The following ST6GALNAC3 variants were observed in gnomAD, a reference collection of about 807,000 sequenced individuals.
The protein encoded by ST6GALNAC3 is ST6 N-acetylgalactosaminide alpha-2,6-sialyltransferase 3.
In ST6GALNAC3, 25 loss-of-function variants were observed where a neutral mutation model predicts 32.7. The ratio of observed to expected loss-of-function variants is 0.76; its 90% CI spans 0.56 to 1.07. ST6GALNAC3 has a LOEUF of 1.07. ST6GALNAC3 is among the 50% of genes least tolerant of loss of function. ST6GALNAC3 has a pLI of 0.00. For synonymous variants in ST6GALNAC3, 129 were observed against 133.1 expected (o/e 0.97, Z 0.21); for missense variants, 355 against 382.4 (o/e 0.93, Z 0.60).
chr1:76,140,617 T>A (rs1032766319), intron 1 of ST6GALNAC3, among the ~76,000 whole-genome samples: 1 of 125,302 alleles, frequency 8.0e-6, no homozygotes, highest in Non-Finnish European at 1.6e-5. Context: ...TCTTTCTTTC[T>A]TTTCTTTCTT....
At position 76,607,326 on chromosome 1, in the gene ST6GALNAC3, G is replaced by A. The variant is rs150893675; in HGVS notation, c.624-20126G>A. ...AGAGGTTTTATGGTGGTTCCATTAT[G>A]TAGGTAGAATTTATTAAATTAATGG... On this transcript the variant is annotated intron_variant, in intron 3 of 4. Coordinates refer to ENST00000328299, the MANE Select transcript of ST6GALNAC3 (RefSeq NM_152996.4). 1.9e-3 allele frequency among the ~76,000 whole-genome samples: 288 copies of A among 152,276 alleles called. 1 individual carries two copies. Among genetic ancestry groups the A allele is most frequent in the African/African-American group, 6.5e-3 (270 of 41,560 alleles).
chr1:76,118,373 A>G (rs1209721012), intron 1 of ST6GALNAC3, among the ~76,000 whole-genome samples: 1 of 152,208 alleles, frequency 6.6e-6, no homozygotes, highest in Non-Finnish European at 1.5e-5. Flanking sequence ...AAATGTACCT[A>G]TCCATATCTT....
intron 3 of ST6GALNAC3, among the ~76,000 whole-genome samples, chr1:76,535,229 C>T (rs315079): frequency 0.18 from 27,654 of 151,958 alleles, 4,097 homozygotes; most frequent in African/African-American, 0.41. Context: ...TCCTGGCACA[C>T]AATAAGTCCT....
intron 3 of ST6GALNAC3, among the ~76,000 whole-genome samples, chr1:76,499,795 A>G (rs1661072997): frequency 1.3e-5 from 2 of 152,214 alleles, no homozygotes; most frequent in African/African-American, 2.4e-5. Flanking sequence ...AGATGGAGGA[A>G]TCTATTCCAT....
chr1:76,212,574 T>G (rs1655230915), intron 1 of ST6GALNAC3, among the ~76,000 whole-genome samples: 1 of 152,160 alleles, frequency 6.6e-6, no homozygotes, highest in Admixed American at 6.5e-5. Flanking sequence ...GCACCTGACC[T>G]GTGTATCTTA....
chr1:76,237,821 A>G (rs907120240), intron 1 of ST6GALNAC3, among the ~76,000 whole-genome samples: 6 of 152,342 alleles, frequency 3.9e-5, no homozygotes, highest in Admixed American at 2.0e-4. Flanking sequence ...CAAAAAATGA[A>G]TATCTTCTCG....
chr1:76,415,362 TAAGAGTA>T (rs2101330442), intron 3 of ST6GALNAC3, among the ~76,000 whole-genome samples: 1 of 152,004 alleles, frequency 6.6e-6, no homozygotes, highest in East Asian at 1.9e-4. Flanking sequence ...TATATTTTAT[TAAGAGTA>T]ATTTACCCTC....
intron 2 of ST6GALNAC3, among the ~76,000 whole-genome samples, chr1:76,383,796 C>T (rs576069348): frequency 3.0e-4 from 46 of 152,224 alleles, no homozygotes; most frequent in Middle Eastern, 6.8e-3. Flanking sequence ...TGTTGTAAGG[C>T]TCTTGCAATG....
chr1:76,393,721 T>C (rs1227753764), intron 2 of ST6GALNAC3, among the ~76,000 whole-genome samples: 2 of 152,188 alleles, frequency 1.3e-5, no homozygotes, highest in African/African-American at 4.8e-5. Flanking sequence ...TATTTCTCCC[T>C]ATAAAATGTG....
intron 1 of ST6GALNAC3, among the ~76,000 whole-genome samples, chr1:76,109,720 C>T (rs1024726608): frequency 7.9e-5 from 12 of 152,174 alleles, no homozygotes; most frequent in African/African-American, 1.9e-4. Context: ...CACAAGAGCT[C>T]GGGCTTACAG....
chr1:76,140,602 C>T (rs901267551), intron 1 of ST6GALNAC3, among the ~76,000 whole-genome samples: 3 of 148,760 alleles, frequency 2.0e-5, no homozygotes, highest in African/African-American at 7.4e-5. Context: ...AAGACTGGGG[C>T]TCTTTCTTTC....
Position 76,449,981 on chromosome 1 carries a change from G to T in ST6GALNAC3, c.623+37564G>T, listed in dbSNP as rs550597150. On this transcript the variant is annotated intron_variant, in intron 3 of 4. Coordinates refer to ENST00000328299, the MANE Select transcript of ST6GALNAC3 (RefSeq NM_152996.4). ...CTCTCACCTCCAATTATTGATTGATGGGCATTTGGGCAGGTTCCATATTTT... is the reference window on the plus strand; with the variant it reads ...CTCTCACCTCCAATTATTGATTGATTGGCATTTGGGCAGGTTCCATATTTT... 7.2e-5 allele frequency among the ~76,000 whole-genome samples: 11 copies of T among 152,250 alleles called. No homozygotes were observed. In the East Asian group the frequency reaches 2.1e-3, roughly 29 times the overall value.
At chr1:76,181,613 A>G (rs954620771) in intron 1 of ST6GALNAC3, among the ~76,000 whole-genome samples, 11 of 152,204 alleles carry the variant, frequency 7.2e-5, no homozygotes, top group Admixed American at 1.3e-4. Flanking sequence ...TAAGAAGGTA[A>G]TATTCACGTT....
At chr1:76,536,329 G>A (rs917396573) in intron 3 of ST6GALNAC3, among the ~76,000 whole-genome samples, 7 of 152,124 alleles carry the variant, frequency 4.6e-5, no homozygotes, top group African/African-American at 1.4e-4. Flanking sequence ...AATTTATAAA[G>A]GAAAGAGATT....
chr1:76,307,038 C>A (rs1661102519), intron 1 of ST6GALNAC3, among the ~76,000 whole-genome samples: 3 of 151,952 alleles, frequency 2.0e-5, no homozygotes, highest in Admixed American at 2.0e-4. Flanking sequence ...AGAAAGAAAG[C>A]AAGGATTTTC....
At chr1:76,436,172 G>A (rs943255279) in intron 3 of ST6GALNAC3, among the ~76,000 whole-genome samples, 1 of 152,072 alleles carries the variant, frequency 6.6e-6, no homozygotes, top group African/African-American at 2.4e-5. Context: ...TGCAAAAAGT[G>A]TAAATTTTGT....
chr1:76,169,830 A>G (rs1251306893), intron 1 of ST6GALNAC3, among the ~76,000 whole-genome samples: 2 of 152,096 alleles, frequency 1.3e-5, no homozygotes, highest in South Asian at 2.1e-4. Context: ...TAAAATATAT[A>G]TATATACTGG....
rs534004777 is a variant in ST6GALNAC3 at position 76,150,761 on chromosome 1, C to A, written c.18+75877C>A. 1.4e-4 allele frequency among the ~76,000 whole-genome samples: 21 copies of A among 152,318 alleles called. No homozygotes were observed. The South Asian group carries it at 4.1e-3, about 30-fold the overall frequency. Reference sequence around the variant, plus strand: ...GTGGATGATGACAATTACAGCACAGCACCTCATATCGGTGCAGAGATTTCT... The same window carrying A: ...GTGGATGATGACAATTACAGCACAGAACCTCATATCGGTGCAGAGATTTCT... On this transcript the variant is annotated intron_variant, in intron 1 of 4. Coordinates refer to ENST00000328299, the MANE Select transcript of ST6GALNAC3 (RefSeq NM_152996.4).
At chr1:76,353,858 G>GC (rs1649212504) in intron 2 of ST6GALNAC3, 1 of 153,414 alleles carries the variant, frequency 6.5e-6, no homozygotes, top group Non-Finnish European at 1.5e-5. Flanking sequence ...CATGGATCTG[G>GC]CCCCCCTTTA....
Sources: allele counts gnomAD v4.1 joint callset (sites outside exome capture counted in the v4.1 genomes callset), GRCh38; gene constraint gnomAD v4.1.1; transcripts MANE v1.5; gene names NCBI Gene and HGNC (gene_info 2026-07-23, HGNC 2026-07-21).